MICU1: variants seen among roughly 807,000 people sequenced by gnomAD.
MICU1 encodes mitochondrial calcium uptake 1, also known as calcium uptake protein 1, mitochondrial.
In MICU1, 45 loss-of-function variants were observed where a neutral mutation model predicts 56.8. The ratio of observed to expected loss-of-function variants is 0.79; its 90% CI spans 0.62 to 1.02. The LOEUF (loss-of-function observed/expected upper bound fraction) is 1.02, where lower values mean the gene tolerates loss of function less well. MICU1 is among the 50% of genes least tolerant of loss of function. The pLI is 0.00. For synonymous variants in MICU1, 186 were observed against 195.1 expected, an observed-to-expected ratio of 0.95 and a Z score of 0.39; for missense variants, 504 against 587.1, an observed-to-expected ratio of 0.86 and a Z score of 1.46.
chr10:72,589,246 G>A (rs148565799), intron 1 of MICU1, among the ~76,000 whole-genome samples: 3,275 of 151,610 alleles, frequency 0.022, 120 homozygotes, highest in African/African-American at 0.076. Flanking sequence ...CCGAGATTGC[G>A]TCACTGCACT....
chr10:72,454,791 A>C (rs1564879422), intron 8 of MICU1, among the ~76,000 whole-genome samples: 2 of 149,594 alleles, frequency 1.3e-5, no homozygotes, highest in Non-Finnish European at 2.9e-5. Flanking sequence ...TCAAAAAAAA[A>C]AAAAAAACAA....
intron 1 of MICU1, among the ~76,000 whole-genome samples, chr10:72,599,397 C>T (rs1422099739): frequency 6.6e-6 from 1 of 152,156 alleles, no homozygotes; most frequent in Non-Finnish European, 1.5e-5. Flanking sequence ...ACATCAGGCG[C>T]TGTTCTGAGT....
intron 9 of MICU1, among the ~76,000 whole-genome samples, chr10:72,416,966 GT>G (rs904308245): frequency 7.7e-4 from 117 of 152,252 alleles, no homozygotes; most frequent in African/African-American, 2.7e-3. Context: ...TTTAAAATCT[GT>G]TTCGTTCCAG....
At chr10:72,387,043 A>G (rs962367959) in intron 10 of MICU1, among the ~76,000 whole-genome samples, 1 of 152,254 alleles carries the variant, frequency 6.6e-6, no homozygotes, top group Non-Finnish European at 1.5e-5. Flanking sequence ...CCTGACAATT[A>G]TAAGTCAGTT....
At chr10:72,405,490 G>C (rs1307043892) in intron 10 of MICU1, among the ~76,000 whole-genome samples, 2 of 151,706 alleles carry the variant, frequency 1.3e-5, no homozygotes, top group Non-Finnish European at 2.9e-5. Context: ...CAAAGTGCTG[G>C]GATAACAGGT....
chr10:72,467,745 G>A (rs1447541548), intron 8 of MICU1: 2 of 151,754 alleles, frequency 1.3e-5, no homozygotes, highest in East Asian at 3.9e-4. Flanking sequence ...ATATAAATCA[G>A]TTACTGTTAT....
intron 9 of MICU1, among the ~76,000 whole-genome samples, chr10:72,422,329 C>A (rs1589199649): frequency 6.6e-6 from 1 of 152,228 alleles, no homozygotes; most frequent in South Asian, 2.1e-4. Flanking sequence ...ACCTTAATCA[C>A]AGGATTCTAT....
At chr10:72,459,174 T>C (rs1865572856) in intron 8 of MICU1, among the ~76,000 whole-genome samples, 2 of 151,724 alleles carry the variant, frequency 1.3e-5, no homozygotes, top group African/African-American at 4.8e-5. Flanking sequence ...CTACTAAAAA[T>C]ATGAAAATTA....
intron 3 of MICU1, among the ~76,000 whole-genome samples, chr10:72,561,157 A>T (rs1292921588): frequency 6.6e-6 from 1 of 152,262 alleles, no homozygotes; most frequent in Non-Finnish European, 1.5e-5. Flanking sequence ...TAGATTTTGT[A>T]ACTATAAGGG....
intron 6 of MICU1, among the ~76,000 whole-genome samples, chr10:72,506,363 C>G (rs957045215): frequency 3.3e-5 from 5 of 152,156 alleles, no homozygotes; most frequent in Non-Finnish European, 7.4e-5. Context: ...TATTTCAGCT[C>G]AACAAACATT....
chr10:72,463,449 A>C (rs185434633), intron 8 of MICU1, among the ~76,000 whole-genome samples: 19 of 152,340 alleles, frequency 1.2e-4, no homozygotes, highest in Non-Finnish European at 2.6e-4. Context: ...TTTAAGCTAC[A>C]AAGTGTCACT....
rs186196778 is a variant in MICU1, at chr10:72,496,868, G to C, written c.652+11287C>G. 4.0e-5 allele frequency among the ~76,000 whole-genome samples: 6 copies of C among 151,852 alleles called. No individual in the cohort carries two copies. In the East Asian group the frequency reaches 1.2e-3, roughly 30 times the overall value. On this transcript the variant is annotated intron_variant, in intron 6 of 11. Transcript: ENST00000361114. Reference sequence around the variant, plus strand: ...ATTACAGGAGTGAGCCACTGTGCCCGGCCAGAAAAATTCTCAGATATTTAT... The same window carrying C: ...ATTACAGGAGTGAGCCACTGTGCCCCGCCAGAAAAATTCTCAGATATTTAT...
intron 1 of MICU1, among the ~76,000 whole-genome samples, chr10:72,585,492 C>G (rs758610231): frequency 9.9e-5 from 15 of 151,780 alleles, no homozygotes; most frequent in Non-Finnish European, 1.9e-4. Flanking sequence ...GTCAGGAGCT[C>G]GACACCAGCC....
chr10:72,556,389 G>A (rs1020598006), intron 3 of MICU1, among the ~76,000 whole-genome samples: 3 of 151,950 alleles, frequency 2.0e-5, no homozygotes, highest in Non-Finnish European at 4.4e-5. Flanking sequence ...TGCCCAGGCT[G>A]CAGTATAATG....
intron 10 of MICU1, among the ~76,000 whole-genome samples, chr10:72,388,347 T>G (rs1222993579): frequency 6.6e-6 from 1 of 152,220 alleles, no homozygotes; most frequent in Non-Finnish European, 1.5e-5. Context: ...ATATCAACTT[T>G]CTTGCTACAT....
rs147354479 is a variant in MICU1, at chr10:72,497,428, A to G, written c.652+10727T>C. On this transcript the variant is annotated intron_variant, in intron 6 of 11. Transcript: ENST00000361114. ...ACCATGATAAGACGTAAGCATAATCAAACACTATTAAGCCGAGGGTTTAAA... is the reference window on the plus strand; with the variant it reads ...ACCATGATAAGACGTAAGCATAATCGAACACTATTAAGCCGAGGGTTTAAA... Among the ~76,000 whole-genome samples, 182 of 152,306 alleles carry G rather than the reference A, an allele frequency of 1.2e-3. 2 individuals carry two copies. Among genetic ancestry groups the G allele is most frequent in the South Asian group, 0.011 (55 of 4,828 alleles).
intron 5 of MICU1, among the ~76,000 whole-genome samples, chr10:72,527,568 G>C (rs1868001759): frequency 6.6e-6 from 1 of 151,956 alleles, no homozygotes; most frequent in Non-Finnish European, 1.5e-5. Context: ...TTGCTATGTT[G>C]CCCAGGGTGG....
At chr10:72,520,682 T>C (rs1038195011) in intron 5 of MICU1, among the ~76,000 whole-genome samples, 1 of 152,144 alleles carries the variant, frequency 6.6e-6, no homozygotes, top group African/African-American at 2.4e-5. Context: ...CTTATCTCAT[T>C]AACTAGATGG....
intron 1 of MICU1, among the ~76,000 whole-genome samples, chr10:72,584,410 A>G (rs1284226861): frequency 1.3e-5 from 2 of 152,240 alleles, no homozygotes; most frequent in African/African-American, 4.8e-5. Flanking sequence ...TTACAGAAAC[A>G]ATGATGTCTA....
Sources: allele counts gnomAD v4.1 joint callset (sites outside exome capture counted in the v4.1 genomes callset), GRCh38; gene constraint gnomAD v4.1.1; transcripts MANE v1.5; gene names NCBI Gene and HGNC (gene_info 2026-07-23, HGNC 2026-07-21).